The following RPA2 variants were observed in gnomAD, a reference collection of about 807,000 sequenced individuals.
The protein encoded by RPA2 is replication protein A 32 kDa subunit.
RPA2 carries 22 observed loss-of-function variants against 33.4 expected under a neutral mutation model. The observed-to-expected ratio is 0.66, with a 90% CI of 0.47 to 0.94. The LOEUF is 0.94. Ranked by LOEUF, RPA2 falls within the 40% of genes least tolerant of loss-of-function variation. The pLI is 0.00. For synonymous variants in RPA2, 109 were observed against 114.9 expected, an observed-to-expected ratio of 0.95 and a Z score of 0.33; for missense variants, 279 against 329.9, an observed-to-expected ratio of 0.85 and a Z score of 1.19.
At chr1:27,896,474 GCTTT>G (rs1479689716) in intron 6 of RPA2, among the ~76,000 whole-genome samples, 4 of 152,108 alleles carry the variant, frequency 2.6e-5, no homozygotes, top group Non-Finnish European at 2.9e-5. Flanking sequence ...TGCCCTGAGG[GCTTT>G]CTAATACTAC....
At chr1:27,913,542 C>T (rs575991271) in intron 2 of RPA2, among the ~76,000 whole-genome samples, 5 of 150,614 alleles carry the variant, frequency 3.3e-5, no homozygotes, top group South Asian at 4.2e-4. Flanking sequence ...GAGCCGAGAT[C>T]GCGCCATTGC....
intron 4 of RPA2, among the ~76,000 whole-genome samples, chr1:27,899,501 C>CAAAAAAAGAAAGAAAAAAAAAA (rs2089937179): frequency 2.1e-5 from 1 of 46,682 alleles, no homozygotes. Flanking sequence ...GACTCTATCT[C>CAAAAAAAGAAAGAAAAAAAAAA]AAAAAAAAAA....
intron 2 of RPA2, among the ~76,000 whole-genome samples, chr1:27,910,851 G>A (rs111865886): frequency 2.5e-4 from 38 of 151,886 alleles, no homozygotes; most frequent in Non-Finnish European, 3.8e-4. Context: ...AAAGTGAGAC[G>A]GTCTCAATTT....
intron 2 of RPA2, among the ~76,000 whole-genome samples, chr1:27,911,088 C>A (rs1404580947): frequency 5.9e-5 from 9 of 151,954 alleles, no homozygotes; most frequent in Admixed American, 2.0e-4. Flanking sequence ...TGGTGGCATG[C>A]GCCTGTAGTC....
chr1:27,902,396 G>A (rs576519213), intron 4 of RPA2, among the ~76,000 whole-genome samples: 1 of 151,038 alleles, frequency 6.6e-6, no homozygotes, highest in East Asian at 2.0e-4. Flanking sequence ...CGAGTCTTGT[G>A]CCTCAGCCTC....
chr1:27,914,223 C>G (rs768527497), intron 1 of RPA2, 54 bp from the exon 2 acceptor site: 1 of 1,607,944 alleles, frequency 6.2e-7, no homozygotes, highest in Non-Finnish European at 8.5e-7. Context: ...CTCCGAGAAA[C>G]CCGCAGGCTC....
intron 2 of RPA2, among the ~76,000 whole-genome samples, chr1:27,911,692 T>G (rs917443199): frequency 6.6e-6 from 1 of 152,206 alleles, no homozygotes. Flanking sequence ...TCTAGTTCCT[T>G]ACTAGCTATG....
At chr1:27,905,022 G>A (rs977042278) in intron 4 of RPA2, among the ~76,000 whole-genome samples, 1 of 152,022 alleles carries the variant, frequency 6.6e-6, no homozygotes, top group Admixed American at 6.6e-5. Flanking sequence ...AACACCAAGA[G>A]GCCTTCTGCA....
chr1:27,914,667 G>A (rs1426574878), upstream of RPA2: 1 of 1,613,282 alleles, frequency 6.2e-7, no homozygotes, highest in Non-Finnish European at 8.5e-7. Flanking sequence ...CCATGCTCCA[G>A]AAAACGCGTA....
chr1:27,907,073 A>G, intron 3 of RPA2, 32 bp from the exon 4 acceptor site: 2 of 1,539,734 alleles, frequency 1.3e-6, no homozygotes. Flanking sequence ...AAAAAAAAAA[A>G]GGTCTGGTTC....
At chr1:27,912,182 C>T (rs1287855374) in intron 2 of RPA2, among the ~76,000 whole-genome samples, 2 of 152,084 alleles carry the variant, frequency 1.3e-5, no homozygotes, top group East Asian at 1.9e-4. Context: ...TGAATCTTAA[C>T]ATATCTGAGT....
chr1:27,910,270 T>A (rs1193463407), intron 2 of RPA2, among the ~76,000 whole-genome samples: 1 of 152,144 alleles, frequency 6.6e-6, no homozygotes, highest in Non-Finnish European at 1.5e-5. Flanking sequence ...ATGAGACACA[T>A]AACATATATG....
At chr1:27,908,447 G>A (rs963344905) in intron 2 of RPA2, among the ~76,000 whole-genome samples, 1 of 151,852 alleles carries the variant, frequency 6.6e-6, no homozygotes, top group Non-Finnish European at 1.5e-5. Context: ...CGTCTTAGGG[G>A]GAAGAGGCAG....
chr1:27,894,942 AC>A (rs1463970355), intron 6 of RPA2, among the ~76,000 whole-genome samples: 1 of 152,190 alleles, frequency 6.6e-6, no homozygotes, highest in Non-Finnish European at 1.5e-5. Context: ...CACCAAAGTC[AC>A]CAAAGACTTT....
chr1:27,907,338 C>A, intron 2 of RPA2, 56 bp from the exon 3 acceptor site: 1 of 1,298,392 alleles, frequency 7.7e-7, no homozygotes, highest in Non-Finnish European at 1.1e-6. Context: ...ACCACTCATT[C>A]AACACCTGCC....
chr1:27,903,864 TAAAA>T (rs34163774), intron 4 of RPA2, among the ~76,000 whole-genome samples: 3 of 92,844 alleles, frequency 3.2e-5, no homozygotes, highest in Non-Finnish European at 6.4e-5. Flanking sequence ...TGTCTCTATT[TAAAA>T]AAAAAAAAAA....
Position 27,894,270 on chromosome 1 carries a change from G to A in RPA2, c.633+20C>T. On this transcript the variant is annotated intron_variant, in intron 7 of 8. Transcript: ENST00000373912. ...ACTATCTGTGTTTTGTATTTCTGAA[G>A]CCACTCTGGTGGAGGTTACCTGGTT... 6.2e-7 allele frequency: 1 copy of A among 1,604,130 alleles called. No homozygotes were observed. Among genetic ancestry groups the A allele is most frequent in the Non-Finnish European group, 8.5e-7 (1 of 1,172,434 alleles).
upstream of RPA2, chr1:27,914,766 A>C: frequency 7.9e-7 from 1 of 1,259,680 alleles, no homozygotes; most frequent in Non-Finnish European, 1.1e-6. Flanking sequence ...GGGCTGGCAG[A>C]GCGGTATCGC....
intron 4 of RPA2, among the ~76,000 whole-genome samples, chr1:27,902,164 G>A (rs2089975864): frequency 6.6e-6 from 1 of 152,018 alleles, no homozygotes; most frequent in Non-Finnish European, 1.5e-5. Context: ...TTGACTCACT[G>A]CAACCTCCAT....
Sources: allele counts gnomAD v4.1 joint callset (sites outside exome capture counted in the v4.1 genomes callset), GRCh38; gene constraint gnomAD v4.1.1; transcripts MANE v1.5; gene names NCBI Gene and HGNC (gene_info 2026-07-23, HGNC 2026-07-21).